HK1: variants seen among roughly 807,000 people sequenced by gnomAD.
The protein encoded by HK1 is hexokinase-1.
In HK1, 28 loss-of-function variants were observed where a neutral mutation model predicts 91.6. That is an observed-to-expected ratio of 0.31 (90% CI 0.23 to 0.42). The LOEUF is 0.42. Ranked by LOEUF, HK1 falls within the 10% of genes least tolerant of loss-of-function variation. The pLI, the probability that HK1 is intolerant of heterozygous loss-of-function variation, is 1.00. For synonymous variants in HK1, 430 were observed against 468.1 expected, an observed-to-expected ratio of 0.92 and a Z score of 1.05; for missense variants, 770 against 1,219.8, an observed-to-expected ratio of 0.63 and a Z score of 5.49.
At chr10:69,309,182 T>C (rs1846239717) in intron 5 of HK1, among the ~76,000 whole-genome samples, 1 of 151,118 alleles carries the variant, frequency 6.6e-6, no homozygotes, top group Non-Finnish European at 1.5e-5. Flanking sequence ...CTTTTCTTTC[T>C]TTCTTTTTTT....
chr10:69,283,699 T>C (rs1589435052), intron 2 of HK1, among the ~76,000 whole-genome samples: 1 of 141,858 alleles, frequency 7.0e-6, no homozygotes, highest in Non-Finnish European at 1.5e-5. Flanking sequence ...GAGAATCGCT[T>C]GAACACAGGA....
chr10:69,309,474 C>T (rs1846257700), intron 5 of HK1, among the ~76,000 whole-genome samples: 1 of 131,170 alleles, frequency 7.6e-6, no homozygotes, highest in Middle Eastern at 3.8e-3. Flanking sequence ...AGCCACCGCG[C>T]CTGGCATGAC....
chr10:69,393,966 G>T (rs3793845), intron 15 of HK1, among the ~76,000 whole-genome samples: 50,577 of 152,172 alleles, frequency 0.33, 8,797 homozygotes, highest in South Asian at 0.45. Flanking sequence ...GTTGGAAGGG[G>T]TTAAGGACAT....
chr10:69,326,736 A>G (rs1442789989), intron 1 of HK1, among the ~76,000 whole-genome samples: 1 of 152,200 alleles, frequency 6.6e-6, no homozygotes, highest in Non-Finnish European at 1.5e-5. Context: ...TATAGACACA[A>G]TTACAATTAC....
chr10:69,286,734 G>C (rs1166577657), intron 2 of HK1, among the ~76,000 whole-genome samples: 2 of 150,768 alleles, frequency 1.3e-5, no homozygotes, highest in African/African-American at 2.5e-5. Context: ...ATTTAGTAGA[G>C]AGGGGGTTTC....
chr10:69,368,506 T>TCATCCAGCCCC (rs748787942), intron 4 of HK1, 30 bp from the exon 5 acceptor site: 1 of 1,597,154 alleles, frequency 6.3e-7, no homozygotes, highest in Non-Finnish European at 8.6e-7. Context: ...CTCCCAGCCC[T>TCATCCAGCCCC]CATCCAGCCC....
At chr10:69,336,473 G>A (rs1219092822) in intron 1 of HK1, among the ~76,000 whole-genome samples, 2 of 151,542 alleles carry the variant, frequency 1.3e-5, no homozygotes, top group East Asian at 1.9e-4. Flanking sequence ...TTATAGGCAC[G>A]AGCCACCGCG....
At chr10:69,351,541 CAA>C (rs150964944) in intron 2 of HK1, among the ~76,000 whole-genome samples, 1 of 151,838 alleles carries the variant, frequency 6.6e-6, no homozygotes, top group Non-Finnish European at 1.5e-5. Context: ...AAAAACAAAA[CAA>C]AAAAACCCAA....
intron 1 of HK1, among the ~76,000 whole-genome samples, chr10:69,328,796 C>A (rs566433157): frequency 1.4e-4 from 22 of 152,196 alleles, no homozygotes; most frequent in Non-Finnish European, 3.2e-4. Context: ...GCAGTCACTT[C>A]CCATTTCTTC....
At chr10:69,313,298 T>A, upstream of HK1, among the ~76,000 whole-genome samples, 1 of 152,040 alleles carries the variant, frequency 6.6e-6, no homozygotes. Context: ...TCCCCTACCC[T>A]GTCTAAAGGG....
At chr10:69,389,631 T>C (rs1036005803) in intron 14 of HK1, among the ~76,000 whole-genome samples, 5 of 151,892 alleles carry the variant, frequency 3.3e-5, no homozygotes, top group Admixed American at 6.6e-5. Context: ...ATGGCAGCTC[T>C]ATGGGCCTTG....
At chr10:69,394,438 T>C (rs1466467335) in intron 15 of HK1, among the ~76,000 whole-genome samples, 3 of 152,234 alleles carry the variant, frequency 2.0e-5, no homozygotes, top group Admixed American at 6.5e-5. Flanking sequence ...CAGATAGTTT[T>C]TGGGCACTTT....
At chr10:69,277,038 C>T (rs979902416) in intron 1 of HK1, among the ~76,000 whole-genome samples, 6 of 151,892 alleles carry the variant, frequency 4.0e-5, no homozygotes, top group African/African-American at 1.2e-4. Flanking sequence ...AGTGTTTTGA[C>T]GGAGAGATAT....
chr10:69,401,576 G>T lies in HK1; in HGVS notation c.*441G>T, dbSNP rs1300767308. ...ACACTGCCGGGCCTCCCTCCCGGGG[G>T]CACTGCCTGAAGGCGAGTGTGGGCA... is the stretch of plus-strand genomic sequence containing the variant. On this transcript the variant is annotated 3_prime_UTR_variant, in exon 18 of 18. Transcript: ENST00000359426. 2.7e-6 allele frequency: 1 copy of T among 372,812 alleles called. No homozygotes were observed. The highest frequency in any genetic ancestry group is 8.4e-5 in the East Asian group (1 of 11,952). The allele number at this position is 372,812 out of a possible 1,614,324, so 23.1% of individuals were successfully genotyped here.
At chr10:69,338,224 G>T in intron 1 of HK1, 1 of 1,110,456 alleles carries the variant, frequency 9.0e-7, no homozygotes, top group Non-Finnish European at 1.1e-6. Context: ...GCCCTGTGCA[G>T]CCGGTCTGGC....
rs193226297 is a variant in HK1, at chr10:69,327,580, C to T, written c.63+8570C>T. On this transcript the variant is annotated intron_variant, in intron 1 of 17. Transcript: ENST00000359426. ...TGCACAAGTTTCTCTAGGCTCTAAG[C>T]TGTGTACCTAGGGCTGAGATCACCA... is the stretch of plus-strand genomic sequence containing the variant. Among the ~76,000 whole-genome samples the T allele has an allele frequency of 3.3e-5, 5 of 152,300 alleles. No homozygotes were observed. In the East Asian group the frequency reaches 9.6e-4, roughly 29 times the overall value.
rs192916939 is a variant in HK1, at chr10:69,294,778, C to T, written c.-114-855C>T. On this transcript the variant is annotated intron_variant, in intron 3 of 21. Coordinates refer to the HK1 transcript ENST00000360289. ...TCAGAAGGCTGAGGCAAGAGAATCG[C>T]TTGAACCTGGGAGGCAGAGGTTGCA... is the stretch of plus-strand genomic sequence containing the variant. Among the ~76,000 whole-genome samples, 179 of 152,234 alleles carry T rather than the reference C, an allele frequency of 1.2e-3. 2 individuals are homozygous for T. The highest frequency in any genetic ancestry group is 4.2e-3 in the African/African-American group (176 of 41,530).
intron 1 of HK1, among the ~76,000 whole-genome samples, chr10:69,342,707 A>G (rs1848352679): frequency 6.6e-6 from 1 of 152,170 alleles, no homozygotes; most frequent in Non-Finnish European, 1.5e-5. Flanking sequence ...GAGATTGAAG[A>G]TAAACTGTTA....
At chr10:69,322,312 T>G (rs987003519) in intron 1 of HK1, among the ~76,000 whole-genome samples, 3 of 152,040 alleles carry the variant, frequency 2.0e-5, no homozygotes, top group African/African-American at 7.2e-5. Flanking sequence ...CTCATTGCCT[T>G]GAGGCACATC....
Sources: allele counts gnomAD v4.1 joint callset (sites outside exome capture counted in the v4.1 genomes callset), GRCh38; gene constraint gnomAD v4.1.1; transcripts MANE v1.5; gene names NCBI Gene and HGNC (gene_info 2026-07-23, HGNC 2026-07-21).